The following SPSB1 variants were observed in gnomAD, a reference collection of about 807,000 sequenced individuals.
SPSB1 encodes the protein splA/ryanodine receptor domain and SOCS box containing 1.
Under a neutral mutation model 21.2 loss-of-function variants are expected in SPSB1, and 8 were observed. That is an observed-to-expected ratio of 0.38 (90% CI 0.22 to 0.68). The LOEUF (loss-of-function observed/expected upper bound fraction) is 0.68, where lower values mean the gene tolerates loss of function less well. Among genes scored for constraint, SPSB1 ranks in the 30% least tolerant of loss-of-function variants. SPSB1 has a pLI of 0.53. For missense variants in SPSB1, 242 were observed against 377.8 expected (o/e 0.64, Z 2.98); for synonymous variants, 169 against 161.7 (o/e 1.05, Z -0.34).
chr1:9,308,748 G>A (rs1451615156), intron 1 of SPSB1, among the ~76,000 whole-genome samples: 1 of 152,076 alleles, frequency 6.6e-6, no homozygotes, highest in East Asian at 1.9e-4. Flanking sequence ...TTTTTAGAGA[G>A]GTTTTCTGCG....
chr1:9,309,283 T>TGA (rs748979653), intron 1 of SPSB1, among the ~76,000 whole-genome samples: 9,830 of 137,236 alleles, frequency 0.072, 342 homozygotes, highest in South Asian at 0.14. Context: ...AGAGAGAGTG[T>TGA]GAGAGAGAGA....
At position 9,299,109 on chromosome 1, in the gene SPSB1, A is replaced by G. The variant is rs541174729; in HGVS notation, c.-150+6038A>G. ...CTGATAGTGGATTATTGTAAACTTA[A>G]CCAAGTGGTGACTGCAAAATTCACA... On this transcript the variant is annotated intron_variant, in intron 1 of 2. Coordinates refer to ENST00000328089, the MANE Select transcript of SPSB1 (RefSeq NM_025106.4). Among the ~76,000 whole-genome samples, 5 of 152,366 alleles carry G rather than the reference A, an allele frequency of 3.3e-5. No homozygotes were observed. The South Asian group carries it at 1.0e-3, about 32-fold the overall frequency.
intron 1 of SPSB1, among the ~76,000 whole-genome samples, chr1:9,298,442 GTGAATGAATAAGTGAA>G (rs1336741015): frequency 4.8e-5 from 4 of 84,164 alleles, no homozygotes; most frequent in Non-Finnish European, 1.3e-4. Flanking sequence ...GAATGAATAA[GTGAATGAATAAGTGAA>G]TGAATGAATG....
At chr1:9,340,497 C>G (rs1640073506) in intron 1 of SPSB1, among the ~76,000 whole-genome samples, 2 of 152,256 alleles carry the variant, frequency 1.3e-5, no homozygotes, top group Admixed American at 1.3e-4. Context: ...AAAAGAGGCG[C>G]TTTTGATATG....
chr1:9,328,461 C>G (rs1160185674), intron 1 of SPSB1, among the ~76,000 whole-genome samples: 2 of 152,252 alleles, frequency 1.3e-5, no homozygotes, highest in Non-Finnish European at 2.9e-5. Context: ...TAACCCAGCT[C>G]AGACATGATT....
intron 1 of SPSB1, among the ~76,000 whole-genome samples, chr1:9,309,312 G>A (rs1204672047): frequency 7.3e-6 from 1 of 137,788 alleles, no homozygotes; most frequent in Non-Finnish European, 1.6e-5. Flanking sequence ...GTGTGTGTGT[G>A]TGTGTGTGTG....
chr1:9,309,301 A>AGAGAGAGT (rs1245605413), intron 1 of SPSB1, among the ~76,000 whole-genome samples: 1 of 133,134 alleles, frequency 7.5e-6, no homozygotes, highest in African/African-American at 3.0e-5. Flanking sequence ...AGAGAGAGAG[A>AGAGAGAGT]GTGTGTGTGT....
intron 1 of SPSB1, among the ~76,000 whole-genome samples, chr1:9,334,862 A>G (rs79517478): frequency 6.6e-6 from 1 of 152,190 alleles, no homozygotes; most frequent in Non-Finnish European, 1.5e-5. Flanking sequence ...CTCATATAGC[A>G]TGTATCAAAA....
rs1242225745 is a variant in SPSB1 at position 9,292,950 on chromosome 1, C to T, written c.-271C>T. 2 of 779,236 alleles carry T rather than the reference C, an allele frequency of 2.6e-6. No individual in the cohort carries two copies. The highest frequency in any genetic ancestry group is 2.8e-6 in the Non-Finnish European group (2 of 711,780). The allele number at this position is 779,236 out of a possible 1,614,324, so 48.3% of individuals were successfully genotyped here. A position where few individuals can be genotyped will look rare whatever the true frequency, so the allele number is the denominator to read the frequency against. ...CTCGCAGCAGGAACCAGGCTCCAGG[C>T]GCCGGCGCCGGGGCCGGGGCCGCGG... On this transcript the variant is annotated 5_prime_UTR_variant, in exon 1 of 3. Coordinates refer to ENST00000328089, the MANE Select transcript of SPSB1 (RefSeq NM_025106.4).
At chr1:9,352,722 G>A (rs1312246410) in intron 1 of SPSB1, among the ~76,000 whole-genome samples, 1 of 150,934 alleles carries the variant, frequency 6.6e-6, no homozygotes, top group Non-Finnish European at 1.5e-5. Context: ...AACCCTCTGA[G>A]GTGTTACTCT....
At chr1:9,312,483 T>C (rs1044621623) in intron 1 of SPSB1, among the ~76,000 whole-genome samples, 1 of 152,178 alleles carries the variant, frequency 6.6e-6, no homozygotes, top group African/African-American at 2.4e-5. Context: ...TTGATGATTA[T>C]TAGTGCACAC....
chr1:9,295,648 G>A (rs939697146), intron 1 of SPSB1, among the ~76,000 whole-genome samples: 8 of 152,180 alleles, frequency 5.3e-5, no homozygotes. Flanking sequence ...TGGGGTGGGG[G>A]CCTAGCCCGT....
chr1:9,301,386 G>A (rs1293083106), intron 1 of SPSB1, among the ~76,000 whole-genome samples: 1 of 152,166 alleles, frequency 6.6e-6, no homozygotes, highest in Non-Finnish European at 1.5e-5. Context: ...TGCAGTCCCA[G>A]CTACTTGGGA....
intron 2 of SPSB1, among the ~76,000 whole-genome samples, chr1:9,358,606 T>C (rs1027026164): frequency 1.3e-5 from 2 of 152,134 alleles, no homozygotes; most frequent in African/African-American, 4.8e-5. Flanking sequence ...CCTGCCTCCC[T>C]CCTCCCAGCC....
intron 1 of SPSB1, among the ~76,000 whole-genome samples, chr1:9,327,262 A>G (rs1557454024): frequency 1.3e-5 from 2 of 152,102 alleles, no homozygotes; most frequent in East Asian, 3.8e-4. Context: ...TTTCATTTCT[A>G]TTTTTGGGAT....
intron 1 of SPSB1, among the ~76,000 whole-genome samples, chr1:9,301,115 C>T (rs1294031): frequency 0.19 from 29,081 of 152,126 alleles, 5,388 homozygotes; most frequent in African/African-American, 0.49. Flanking sequence ...ATATACTGAT[C>T]CATGGGCTGT....
At chr1:9,360,940 C>A (rs1325979273) in intron 2 of SPSB1, among the ~76,000 whole-genome samples, 1 of 152,134 alleles carries the variant, frequency 6.6e-6, no homozygotes, top group Non-Finnish European at 1.5e-5. Context: ...AAAGATGAGC[C>A]CGGAGCTCCA....
chr1:9,332,980 C>T (rs545033321), intron 1 of SPSB1, among the ~76,000 whole-genome samples: 4 of 152,328 alleles, frequency 2.6e-5, no homozygotes, highest in Admixed American at 1.3e-4. Context: ...TCCTGGGCTC[C>T]GTGGCTGAGA....
At position 9,356,671 on chromosome 1, in the gene SPSB1, G is replaced by A; in HGVS notation, c.694+86G>A. 1 of 1,504,356 alleles carries A rather than the reference G, an allele frequency of 6.6e-7. No individual in the cohort carries two copies. The highest frequency in any genetic ancestry group is 1.3e-5 in the South Asian group (1 of 74,146). The allele number at this position is 1,504,356 out of a possible 1,614,324, so 93.2% of individuals were successfully genotyped here. A position where few individuals can be genotyped will look rare whatever the true frequency, so the allele number is the denominator to read the frequency against. The stretch of plus-strand genomic sequence containing the variant: ...GGCTCAGGCCAAAAGTTGATTCATT[G>A]GAACTAGAGTGTTTTGAAGACGATA... On this transcript the variant is annotated intron_variant, in intron 2 of 2. Transcript: ENST00000328089. The surrounding 1 kb of genome is among the most constrained non-coding windows in gnomAD (Gnocchi z 7.4).
Sources: gnomAD v4.1 joint callset for allele counts (sites outside exome capture counted in the v4.1 genomes callset) on GRCh38, gnomAD v4.1.1 for gene constraint, Gnocchi (gnomAD v3.1) non-coding constraint, MANE v1.5 for transcripts, NCBI Gene and HGNC (gene_info 2026-07-23, HGNC 2026-07-21) for gene names.